The following STAG1 variants were observed in gnomAD, a reference collection of about 807,000 sequenced individuals.
STAG1 encodes cohesin subunit SA-1.
STAG1 carries 26 observed loss-of-function variants against 170.9 expected under a neutral mutation model. That is an observed-to-expected ratio of 0.15 (90% CI 0.11 to 0.21). STAG1 has a LOEUF of 0.21. Among genes scored for constraint, STAG1 ranks in the 10% least tolerant of loss-of-function variants. The probability of loss-of-function intolerance (pLI) is 1.00; values close to 1 mark genes in which losing one functional copy is unlikely to be tolerated. For missense variants in STAG1, 964 were observed against 1,509.5 expected, an observed-to-expected ratio of 0.64 and a Z score of 5.99; for synonymous variants, 514 against 497.7, an observed-to-expected ratio of 1.03 and a Z score of -0.44.
intron 9 of STAG1, among the ~76,000 whole-genome samples, chr3:136,493,551 G>C (rs561375784): frequency 1.9e-3 from 283 of 151,126 alleles, no homozygotes; most frequent in Non-Finnish European, 3.4e-3. Flanking sequence ...ACTACTCAGG[G>C]GGCTGAGGCG....
chr3:136,419,143 C>T (rs2087869821), intron 20 of STAG1, among the ~76,000 whole-genome samples: 1 of 152,086 alleles, frequency 6.6e-6, no homozygotes, highest in Non-Finnish European at 1.5e-5. Flanking sequence ...TTTTTATATT[C>T]TCATGGGCTC....
chr3:136,369,316 T>C, intron 23 of STAG1, 34 bp from the exon 24 acceptor site: 2 of 1,512,910 alleles, frequency 1.3e-6, no homozygotes, highest in Non-Finnish European at 1.8e-6. Flanking sequence ...AGCAAAATAT[T>C]ACACAAATAT....
intron 1 of STAG1, among the ~76,000 whole-genome samples, chr3:136,707,332 A>C (rs527738040): frequency 4.2e-4 from 64 of 152,332 alleles, no homozygotes; most frequent in African/African-American, 1.5e-3. Context: ...AACTCTTACA[A>C]CTCAACAACA....
In STAG1 at chr3:136,674,020, T is replaced by C. The variant is rs544016030; in HGVS notation, c.-83-43039A>G. On this transcript the variant is annotated intron_variant, in intron 1 of 33. Transcript: ENST00000383202. ...CAGGAGGCTGAGGTAGGAGAATCAC[T>C]TGAACCTGGGAGGTGGAGGTTGCAG... is the stretch of plus-strand genomic sequence containing the variant. Among the ~76,000 whole-genome samples, 7 of 150,386 alleles carry C rather than the reference T, an allele frequency of 4.7e-5. No homozygotes were observed. In the East Asian group the frequency reaches 1.4e-3, roughly 29 times the overall value.
rs563147848 is a variant in STAG1, at chr3:136,710,348, T to G, written c.-84+41847A>C. ...AAGCTGTTAAAATTTTGTTTTATCA[T>G]TCTCTTCTCCATGCTATTTCATTTT... is the stretch of plus-strand genomic sequence containing the variant. On this transcript the variant is annotated intron_variant, in intron 1 of 33. Coordinates refer to ENST00000383202, the MANE Select transcript of STAG1 (RefSeq NM_005862.3). Among the ~76,000 whole-genome samples the G allele has an allele frequency of 1.7e-3, 260 of 152,328 alleles. 2 individuals are homozygous for G. The highest frequency in any genetic ancestry group is 3.4e-3 in the Middle Eastern group (1 of 294).
chr3:136,366,146 A>C (rs956152128), intron 25 of STAG1, among the ~76,000 whole-genome samples: 2 of 152,070 alleles, frequency 1.3e-5, no homozygotes, highest in African/African-American at 4.8e-5. Flanking sequence ...AGCCTAAAAT[A>C]AAATCCCAGT....
intron 6 of STAG1, among the ~76,000 whole-genome samples, chr3:136,530,158 A>C: frequency 6.6e-6 from 1 of 152,302 alleles, no homozygotes; most frequent in South Asian, 2.1e-4. Context: ...TATAATGATA[A>C]AGAGATTAAT....
chr3:136,716,291 T>C (rs1378800643), intron 1 of STAG1, among the ~76,000 whole-genome samples: 5 of 151,254 alleles, frequency 3.3e-5, no homozygotes, highest in African/African-American at 9.7e-5. Context: ...AAACCCCACC[T>C]CTACTAAAAA....
chr3:136,743,719 C>T (rs904412517), intron 1 of STAG1, among the ~76,000 whole-genome samples: 1 of 152,218 alleles, frequency 6.6e-6, no homozygotes, highest in East Asian at 1.9e-4. Flanking sequence ...ACAGGGAACA[C>T]GTCCCAACCT....
intron 4 of STAG1, among the ~76,000 whole-genome samples, chr3:136,599,800 C>A (rs1319622703): frequency 6.6e-6 from 1 of 152,182 alleles, no homozygotes; most frequent in Admixed American, 6.5e-5. Context: ...ATTTTCGAGA[C>A]TGCTCCTGTT....
chr3:136,432,757 A>T (rs903882068), intron 16 of STAG1, among the ~76,000 whole-genome samples: 8 of 152,140 alleles, frequency 5.3e-5, no homozygotes, highest in African/African-American at 1.9e-4. Flanking sequence ...TCCCCCACCT[A>T]GGCCTCATAA....
intron 25 of STAG1, among the ~76,000 whole-genome samples, chr3:136,363,767 G>A (rs113661754): frequency 2.6e-5 from 4 of 152,076 alleles, no homozygotes; most frequent in African/African-American, 7.2e-5. Flanking sequence ...CCCCATTCTT[G>A]TTTTTTCTTG....
chr3:136,408,641 G>A (rs1012234723), intron 21 of STAG1, among the ~76,000 whole-genome samples: 2 of 152,138 alleles, frequency 1.3e-5, no homozygotes, highest in African/African-American at 2.4e-5. Context: ...AGAGTCTCAT[G>A]AGATTAAGGA....
chr3:136,610,124 C>A (rs1259408226), intron 3 of STAG1, among the ~76,000 whole-genome samples: 1 of 152,014 alleles, frequency 6.6e-6, no homozygotes, highest in East Asian at 1.9e-4. Context: ...AACCTCCACA[C>A]CTCCCAGGTT....
At chr3:136,616,755 C>T (rs1411072647) in intron 3 of STAG1, among the ~76,000 whole-genome samples, 4 of 152,006 alleles carry the variant, frequency 2.6e-5, no homozygotes, top group Non-Finnish European at 4.4e-5. Context: ...AAAACTTAGC[C>T]GGTGTGGTGA....
At chr3:136,665,654 C>G (rs919554840) in intron 1 of STAG1, among the ~76,000 whole-genome samples, 2 of 151,226 alleles carry the variant, frequency 1.3e-5, no homozygotes, top group African/African-American at 4.9e-5. Context: ...GTGGCAGGCG[C>G]CTGTAGTCCC....
chr3:136,506,157 C>T (rs2107873747), intron 7 of STAG1, among the ~76,000 whole-genome samples: 1 of 152,166 alleles, frequency 6.6e-6, no homozygotes, highest in African/African-American at 2.4e-5. Context: ...GAGTATAGGA[C>T]AGTAAAACTG....
intron 6 of STAG1, among the ~76,000 whole-genome samples, chr3:136,524,160 C>T (rs569954386): frequency 6.2e-4 from 94 of 152,240 alleles, no homozygotes; most frequent in African/African-American, 2.2e-3. Flanking sequence ...ATGGGGATGG[C>T]ATTCAATCTA....
chr3:136,688,241 G>A (rs1399075920), intron 1 of STAG1, among the ~76,000 whole-genome samples: 2 of 152,092 alleles, frequency 1.3e-5, no homozygotes, highest in African/African-American at 4.8e-5. Flanking sequence ...TGGCGACAGG[G>A]AGCAATATGA....
Sources: allele counts gnomAD v4.1 joint callset (sites outside exome capture counted in the v4.1 genomes callset), GRCh38; gene constraint gnomAD v4.1.1; transcripts MANE v1.5; gene names NCBI Gene and HGNC (gene_info 2026-07-23, HGNC 2026-07-21).